The following PAPPA2 variants were observed in gnomAD, a reference collection of about 807,000 sequenced individuals.
PAPPA2 encodes pappalysin-2.
In PAPPA2, 86 loss-of-function variants were observed where a neutral mutation model predicts 176.4. That is an observed-to-expected ratio of 0.49 (90% confidence interval 0.41 to 0.58). The LOEUF (loss-of-function observed/expected upper bound fraction) is 0.58, where lower values mean the gene tolerates loss of function less well. PAPPA2 is among the 20% of genes least tolerant of loss of function. PAPPA2 has a pLI of 0.00. For missense variants in PAPPA2, 2,073 were observed against 2,256.9 expected (o/e 0.92, Z 1.65); for synonymous variants, 809 against 852.2 (o/e 0.95, Z 0.88).
At chr1:176,755,676 A>G (rs1394571992) in intron 14 of PAPPA2, among the ~76,000 whole-genome samples, 4 of 152,102 alleles carry the variant, frequency 2.6e-5, no homozygotes, top group Non-Finnish European at 5.9e-5. Flanking sequence ...GCCTTTGCAA[A>G]TCATGTGTGT....
chr1:176,596,109 C>G (rs1397357801), intron 3 of PAPPA2, among the ~76,000 whole-genome samples: 1 of 152,254 alleles, frequency 6.6e-6, no homozygotes, highest in Non-Finnish European at 1.5e-5. Flanking sequence ...CATCTCGCCA[C>G]TAGTCTCCTT....
At chr1:176,587,854 C>T (rs1325124419) in intron 2 of PAPPA2, among the ~76,000 whole-genome samples, 1 of 152,144 alleles carries the variant, frequency 6.6e-6, no homozygotes, top group African/African-American at 2.4e-5. Flanking sequence ...TGTAATAAAC[C>T]TGCACGTTGT....
At chr1:176,514,375 AG>A (rs1229652812) in intron 1 of PAPPA2, among the ~76,000 whole-genome samples, 2 of 152,176 alleles carry the variant, frequency 1.3e-5, no homozygotes, top group African/African-American at 2.4e-5. Context: ...GCCATTCATA[AG>A]GGATCTGCCC....
At chr1:176,827,570 A>G (rs951275421) in intron 21 of PAPPA2, among the ~76,000 whole-genome samples, 4 of 152,120 alleles carry the variant, frequency 2.6e-5, no homozygotes, top group Non-Finnish European at 5.9e-5. Flanking sequence ...CTGCACTGCT[A>G]TCATTCTTAT....
intron 21 of PAPPA2, among the ~76,000 whole-genome samples, chr1:176,834,508 A>G (rs1177555391): frequency 6.6e-6 from 1 of 152,160 alleles, no homozygotes; most frequent in Non-Finnish European, 1.5e-5. Context: ...CTTGGAAATA[A>G]GTGTTTCTGG....
At chr1:176,561,978 C>G (rs1651701223) in intron 2 of PAPPA2, among the ~76,000 whole-genome samples, 1 of 152,130 alleles carries the variant, frequency 6.6e-6, no homozygotes, top group Non-Finnish European at 1.5e-5. Flanking sequence ...ATGAGATCTC[C>G]TGAGACTTAT....
At chr1:176,761,093 TTA>T (rs544439345) in intron 14 of PAPPA2, among the ~76,000 whole-genome samples, 107 of 152,262 alleles carry the variant, frequency 7.0e-4, no homozygotes, top group Middle Eastern at 3.4e-3. Context: ...AGTGCTGGTA[TTA>T]CAGATATGAG....
intron 14 of PAPPA2, among the ~76,000 whole-genome samples, chr1:176,756,180 C>G (rs1663410364): frequency 6.6e-6 from 1 of 152,142 alleles, no homozygotes; most frequent in Non-Finnish European, 1.5e-5. Flanking sequence ...GTCTCGAACT[C>G]CTGACCTCAA....
At position 176,711,828 on chromosome 1, in the gene PAPPA2, A is replaced by G. The variant is rs1168993135; in HGVS notation, c.3652-7A>G. 6.3e-7 allele frequency: 1 copy of G among 1,592,382 alleles called. No homozygotes were observed. The highest frequency in any genetic ancestry group is 1.1e-5 in the South Asian group (1 of 90,540). On this transcript the variant is annotated splice_polypyrimidine_tract_variant and splice_region_variant and intron_variant, in intron 11 of 22. Transcript: ENST00000367662. ...ACTTCAAATTGTTGGTTGAAATTGT[A>G]TTTCAGATTTGCACATCATACCATC...
At chr1:176,632,460 C>T (rs1186985616) in intron 3 of PAPPA2, among the ~76,000 whole-genome samples, 2 of 151,724 alleles carry the variant, frequency 1.3e-5, no homozygotes, top group Non-Finnish European at 2.9e-5. Context: ...ACCCGGGAGG[C>T]GGAGCTTGCA....
At chr1:176,786,100 C>T (rs951209802) in intron 17 of PAPPA2, among the ~76,000 whole-genome samples, 1 of 151,948 alleles carries the variant, frequency 6.6e-6, no homozygotes, top group African/African-American at 2.4e-5. Flanking sequence ...AGAGAGTCCC[C>T]GGAGGATATA....
intron 3 of PAPPA2, among the ~76,000 whole-genome samples, chr1:176,629,090 A>G (rs1218029556): frequency 2.6e-5 from 4 of 152,224 alleles, no homozygotes; most frequent in African/African-American, 4.8e-5. Flanking sequence ...TGTGATGTTA[A>G]CAGGAGGTTA....
intron 17 of PAPPA2, among the ~76,000 whole-genome samples, chr1:176,779,000 C>T (rs4652192): frequency 2.6e-5 from 4 of 152,114 alleles, no homozygotes; most frequent in South Asian, 2.1e-4. Flanking sequence ...ATCTTGACTG[C>T]GGGCTACAAG....
intron 14 of PAPPA2, among the ~76,000 whole-genome samples, chr1:176,749,189 A>C (rs1663051163): frequency 7.4e-6 from 1 of 135,716 alleles, no homozygotes; most frequent in Non-Finnish European, 1.6e-5. Context: ...GGTTAATGTG[A>C]TATGCATTGA....
At chr1:176,572,740 G>A (rs1368788724) in intron 2 of PAPPA2, among the ~76,000 whole-genome samples, 1 of 152,166 alleles carries the variant, frequency 6.6e-6, no homozygotes, top group Non-Finnish European at 1.5e-5. Context: ...GTCATACAAT[G>A]TTTCACTTTA....
chr1:176,811,367 G>T (rs1666138958), intron 21 of PAPPA2, among the ~76,000 whole-genome samples: 1 of 152,150 alleles, frequency 6.6e-6, no homozygotes, highest in Non-Finnish European at 1.5e-5. Flanking sequence ...CCACACTTCA[G>T]CTGTTTACAA....
rs566839489 is a variant in PAPPA2 at position 176,768,622 on chromosome 1, C to T, written c.4324-985C>T. ...TCTTCCTCCTTCACATGTTTTTGAA[C>T]CGTTGTTTCAACATGTGATTTGCTT... On this transcript the variant is annotated intron_variant, in intron 15 of 22. Transcript: ENST00000367662. Among the ~76,000 whole-genome samples, 7 of 152,252 alleles carry T rather than the reference C, an allele frequency of 4.6e-5. No homozygotes were observed. In the South Asian group the frequency reaches 6.2e-4, roughly 14 times the overall value.
chr1:176,680,476 CTTT>C (rs1207648703), intron 4 of PAPPA2, among the ~76,000 whole-genome samples: 1 of 152,120 alleles, frequency 6.6e-6, no homozygotes, highest in Non-Finnish European at 1.5e-5. Flanking sequence ...TTAAACTAGA[CTTT>C]TTATTTTGAG....
At chr1:176,472,764 G>C (rs1044436138) in intron 1 of PAPPA2, among the ~76,000 whole-genome samples, 3 of 152,038 alleles carry the variant, frequency 2.0e-5, no homozygotes, top group Non-Finnish European at 4.4e-5. Context: ...ATTAATATTA[G>C]TAGTACTACC....
Sources: allele counts gnomAD v4.1 joint callset (sites outside exome capture counted in the v4.1 genomes callset), GRCh38; gene constraint gnomAD v4.1.1; transcripts MANE v1.5; gene names NCBI Gene and HGNC (gene_info 2026-07-23, HGNC 2026-07-21).